The following DPP3 variants were observed in gnomAD, a reference collection of about 807,000 sequenced individuals.
DPP3 encodes the protein DPP III.
A neutral mutation model predicts 89.8 loss-of-function variants in DPP3; 64 were observed. The ratio of observed to expected loss-of-function variants is 0.71; its 90% confidence interval spans 0.58 to 0.88. The LOEUF (loss-of-function observed/expected upper bound fraction) is 0.88, where lower values mean the gene tolerates loss of function less well. Among genes scored for constraint, DPP3 ranks in the 40% least tolerant of loss-of-function variants. The pLI, the probability that DPP3 is intolerant of heterozygous loss-of-function variation, is 0.00. For missense variants in DPP3, 835 were observed against 972.5 expected, an observed-to-expected ratio of 0.86 and a Z score of 1.88; for synonymous variants, 377 against 404.3, an observed-to-expected ratio of 0.93 and a Z score of 0.81.
intron 16 of DPP3, among the ~76,000 whole-genome samples, chr11:66,499,332 T>C (rs1855623434): frequency 6.6e-6 from 1 of 150,802 alleles, no homozygotes; most frequent in African/African-American, 2.4e-5. Context: ...CACTGCACTC[T>C]AGCCTCTGCA....
chr11:66,485,912 ATTTTC>A (rs113853030), intron 3 of DPP3, among the ~76,000 whole-genome samples: 73,610 of 144,128 alleles, frequency 0.51, 19,342 homozygotes, highest in Non-Finnish European at 0.56. Flanking sequence ...CACCAGCTAA[ATTTTC>A]TTTTCTTTTC....
chr11:66,506,953 C>T (rs1420138519), intron 17 of DPP3, among the ~76,000 whole-genome samples: 1 of 151,952 alleles, frequency 6.6e-6, no homozygotes, highest in Non-Finnish European at 1.5e-5. Context: ...GGTCACTTCT[C>T]ATGATGGGAG....
chr11:66,499,350 CA>C (rs1010307013), intron 16 of DPP3, among the ~76,000 whole-genome samples: 13 of 149,604 alleles, frequency 8.7e-5, no homozygotes, highest in Non-Finnish European at 1.6e-4. Context: ...GCAATGAGAG[CA>C]AAACTCCGCC....
At chr11:66,486,986 TC>T (rs1364797854) in intron 4 of DPP3, among the ~76,000 whole-genome samples, 3 of 150,990 alleles carry the variant, frequency 2.0e-5, no homozygotes, top group African/African-American at 7.3e-5. Context: ...AGGAGGGGGG[TC>T]CCAGGTTTCC....
rs761150627 is a variant in DPP3, at chr11:66,492,746, G to A, written c.1019G>A (p.Ser340Asn). The A allele has an allele frequency of 3.7e-6, 6 of 1,609,830 alleles. No homozygotes were observed. Among genetic ancestry groups the A allele is most frequent in the Non-Finnish European group, 5.1e-6 (6 of 1,178,180 alleles). Reference protein sequence around the residue: ...GFVAVVNKAMSAKFERLVASA... With the variant: ...GFVAVVNKAMNAKFERLVASA... ...GTAGCTGTGGTGAACAAGGCCATGA[G>A]TGCCAAGTTTGAGCGGCTGGTGGCG... Residue 340 changes from serine (S) to asparagine (N), a missense_variant, in exon 10 of 18, where the codon AGT becomes AAT. Ser to Asn is a conservative substitution (Grantham distance 46). Coordinates refer to ENST00000531863, the MANE Select transcript of DPP3 (RefSeq NM_130443.4).
chr11:66,487,133 C>G, intron 4 of DPP3, 135 bp from the exon 5 acceptor site: 1 of 799,218 alleles, frequency 1.3e-6, no homozygotes, highest in Non-Finnish European at 2.1e-6. Flanking sequence ...TAACTTTTTC[C>G]CCTGGAGGTA....
At chr11:66,494,100 C>G (rs1355209366) in intron 12 of DPP3, among the ~76,000 whole-genome samples, 7 of 152,162 alleles carry the variant, frequency 4.6e-5, no homozygotes, top group Admixed American at 4.6e-4. Context: ...TTCCGTGGAA[C>G]CTGGGCTTTT....
chr11:66,492,001 T>C (rs1004694148), intron 9 of DPP3, among the ~76,000 whole-genome samples: 1 of 152,232 alleles, frequency 6.6e-6, no homozygotes, highest in Admixed American at 6.5e-5. Context: ...ATGTGAGCAC[T>C]GGGGCACAGT....
intron 17 of DPP3, 96 bp from the exon 18 acceptor site, chr11:66,508,983 A>T: frequency 6.7e-7 from 1 of 1,484,062 alleles, no homozygotes. Flanking sequence ...AGTAAGAAAC[A>T]GCTGCTGCTG....
chr11:66,490,775 T>G (rs972474967), intron 6 of DPP3, among the ~76,000 whole-genome samples: 3 of 140,976 alleles, frequency 2.1e-5, no homozygotes, highest in South Asian at 2.3e-4. Context: ...TTGTTTTGTT[T>G]TTTTTTTTTT....
intron 4 of DPP3, 40 bp from the exon 5 acceptor site, chr11:66,487,228 G>C: frequency 6.2e-7 from 1 of 1,603,146 alleles, no homozygotes; most frequent in East Asian, 2.2e-5. Flanking sequence ...CCCTGACCTT[G>C]GCAACTCCTC....
chr11:66,500,670 G>A (rs1346488535), intron 16 of DPP3, among the ~76,000 whole-genome samples: 1 of 152,216 alleles, frequency 6.6e-6, no homozygotes, highest in Non-Finnish European at 1.5e-5. Flanking sequence ...TCTTAAAGTT[G>A]AGCACTCCTG....
chr11:66,506,474 C>T (rs530059809), intron 17 of DPP3, among the ~76,000 whole-genome samples: 6 of 151,934 alleles, frequency 3.9e-5, no homozygotes, highest in South Asian at 4.2e-4. Context: ...AGGCTGGTCT[C>T]GAACTCCTGA....
intron 16 of DPP3, among the ~76,000 whole-genome samples, chr11:66,497,890 C>CT (rs1378613342): frequency 6.9e-6 from 1 of 144,136 alleles, no homozygotes; most frequent in East Asian, 2.2e-4. Flanking sequence ...GACCCTATCT[C>CT]TAAAAAAAAA....
intron 16 of DPP3, among the ~76,000 whole-genome samples, chr11:66,499,463 A>G (rs1565274397): frequency 6.6e-6 from 1 of 152,090 alleles, no homozygotes; most frequent in Non-Finnish European, 1.5e-5. Flanking sequence ...AGTTAGCCAC[A>G]GTAAAATACA....
Position 66,486,677 on chromosome 11 carries a change from G to C in DPP3, c.498G>C (p.Glu166Asp). 6.6e-7 allele frequency: 1 copy of C among 1,515,688 alleles called. No homozygotes were observed. The highest frequency in any genetic ancestry group is 2.5e-5 in the East Asian group (1 of 40,080). The allele number at this position is 1,515,688 out of a possible 1,614,324, so 93.9% of individuals were successfully genotyped here. A position where few individuals can be genotyped will look rare whatever the true frequency, so the allele number is the denominator to read the frequency against. ...PRLRHLGLGKEGITTYFSGNC... is the reference protein window; with the variant it reads ...PRLRHLGLGKDGITTYFSGNC... ...TTCGACACCTCGGACTGGGGAAGGA[G>C]GTGAGGCCCCTGACTCCCCCGAGGG... The change falls in exon 4 of 18, where the codon GAG becomes GAC. Residue 166 changes from glutamate to aspartate, a missense_variant and splice_region_variant. Transcript: ENST00000531863.
In DPP3 at chr11:66,486,633, TTC is replaced by T; in HGVS notation, c.460_461del (p.Leu154GlyfsTer75). 6.3e-7 allele frequency: 1 copy of T among 1,580,042 alleles called. No homozygotes were observed. Among genetic ancestry groups the T allele is most frequent in the Admixed American group, 1.8e-5 (1 of 56,514 alleles). On this transcript the variant is annotated frameshift_variant, in exon 4 of 18. Coordinates refer to ENST00000531863, the MANE Select transcript of DPP3 (RefSeq NM_130443.4). LOFTEE classifies it high-confidence loss of function. ...GLWQTCGELM[F>X]SLEPRLRHLG... is the part of the protein sequence containing the mutation. ...CTGGCAGACCTGCGGGGAGCTTATG[TTC>T]TCTCTGGAGCCAAGGCTTCGACACC...
intron 16 of DPP3, among the ~76,000 whole-genome samples, chr11:66,499,825 G>C (rs761989453): frequency 6.6e-6 from 1 of 151,568 alleles, no homozygotes; most frequent in African/African-American, 2.4e-5. Flanking sequence ...CTTTTATCGC[G>C]TTATTTTGTT....
intron 2 of DPP3, among the ~76,000 whole-genome samples, chr11:66,483,890 C>A (rs940788506): frequency 2.6e-5 from 4 of 152,140 alleles, no homozygotes; most frequent in African/African-American, 9.7e-5. Context: ...CATCTTGAGG[C>A]CTTGGCTTAC....
Sources: allele counts gnomAD v4.1 joint callset (sites outside exome capture counted in the v4.1 genomes callset), GRCh38; gene constraint gnomAD v4.1.1; transcripts MANE v1.5; gene names NCBI Gene and HGNC (gene_info 2026-07-23, HGNC 2026-07-21).